VGLL4: variants seen among roughly 807,000 people sequenced by gnomAD.
VGLL4 encodes transcription cofactor vestigial-like protein 4.
VGLL4 carries 7 observed loss-of-function variants against 21.0 expected under a neutral mutation model. The observed-to-expected ratio is 0.33, with a 90% CI of 0.19 to 0.63. The LOEUF is 0.63. Among genes scored for constraint, VGLL4 ranks in the 20% least tolerant of loss-of-function variants. The pLI, the probability that VGLL4 is intolerant of heterozygous loss-of-function variation, is 0.78. For synonymous variants in VGLL4, 222 were observed against 173.2 expected (o/e 1.28, Z -2.21); for missense variants, 394 against 425.7 (o/e 0.93, Z 0.66).
chr3:11,617,171 C>G (rs2075177408), intron 1 of VGLL4, among the ~76,000 whole-genome samples: 1 of 151,992 alleles, frequency 6.6e-6, no homozygotes, highest in South Asian at 2.1e-4. Flanking sequence ...ATTTGAAAAA[C>G]AGGCAGGATT....
At chr3:11,696,618 G>A (rs1575540049) in intron 2 of VGLL4, among the ~76,000 whole-genome samples, 1 of 152,274 alleles carries the variant, frequency 6.6e-6, no homozygotes, top group East Asian at 1.9e-4. Context: ...TGTGTTAGTG[G>A]ATCCTAAAAT....
rs189785988 is a variant in VGLL4 at position 11,576,340 on chromosome 3, G to T, written c.273-11321C>A. Among the ~76,000 whole-genome samples the T allele has an allele frequency of 1.2e-4, 19 of 152,282 alleles. No homozygotes were observed. In the East Asian group the frequency reaches 3.7e-3, roughly 29 times the overall value. The stretch of plus-strand genomic sequence containing the variant: ...TTGCTGAGATTAATAAAATTGAAAA[G>T]AATTTAAAATTCCTACTGCTAATTT... On this transcript the variant is annotated intron_variant, in intron 2 of 4. Transcript: ENST00000430365.
intron 1 of VGLL4, among the ~76,000 whole-genome samples, chr3:11,618,605 TAA>T (rs1198659851): frequency 1.3e-5 from 2 of 152,234 alleles, no homozygotes; most frequent in East Asian, 3.8e-4. Flanking sequence ...TGGGAAATCG[TAA>T]GATCCTTATG....
At chr3:11,563,388 AC>A (rs963506234) in intron 3 of VGLL4, among the ~76,000 whole-genome samples, 1 of 152,086 alleles carries the variant, frequency 6.6e-6, no homozygotes, top group African/African-American at 2.4e-5. Context: ...TCCACTGCCC[AC>A]CCCGGGGAGC....
At chr3:11,685,102 G>A (rs775699588) in intron 2 of VGLL4, among the ~76,000 whole-genome samples, 9 of 151,776 alleles carry the variant, frequency 5.9e-5, no homozygotes, top group Non-Finnish European at 1.0e-4. Flanking sequence ...TTGTTCCTGC[G>A]TTAGTTTACT....
In VGLL4 at chr3:11,712,859, C is replaced by T. The variant is rs368811175; in HGVS notation, c.-14+7535G>A. ...GAGCAAGGGGAAGCAAGCCCTTACC[C>T]GTCAGGAACACGCAAACCATGGTAT... On this transcript the variant is annotated intron_variant, in intron 1 of 5. Coordinates refer to the VGLL4 transcript ENST00000273038. 1.4e-4 allele frequency among the ~76,000 whole-genome samples: 22 copies of T among 152,246 alleles called. No homozygotes were observed. In the South Asian group the frequency reaches 3.7e-3, roughly 26 times the overall value.
intron 2 of VGLL4, among the ~76,000 whole-genome samples, chr3:11,596,798 C>T (rs1237585132): frequency 2.6e-5 from 4 of 152,112 alleles, no homozygotes; most frequent in African/African-American, 9.7e-5. Flanking sequence ...GTCTGCTGTA[C>T]TATTAGACAA....
At chr3:11,699,083 A>C (rs761824147) in intron 2 of VGLL4, among the ~76,000 whole-genome samples, 2 of 152,186 alleles carry the variant, frequency 1.3e-5, no homozygotes, top group African/African-American at 4.8e-5. Context: ...GAGAACGTTA[A>C]CCTCCCCTAA....
rs2076612796 is a variant in VGLL4 at position 11,696,852 on chromosome 3, C to T, written c.64+6119G>A. ...CTCCCAGGATCAGGTGATCCTCCCACCTCTGCCTCCCGAGTAGCTGGGACC... is the reference window on the plus strand; with the variant it reads ...CTCCCAGGATCAGGTGATCCTCCCATCTCTGCCTCCCGAGTAGCTGGGACC... On this transcript the variant is annotated intron_variant, in intron 2 of 5. Coordinates refer to the VGLL4 transcript ENST00000273038. 1.3e-5 allele frequency among the ~76,000 whole-genome samples: 2 copies of T among 152,172 alleles called. 1 individual carries two copies. The highest frequency in any genetic ancestry group is 4.1e-4 in the South Asian group (2 of 4,820).
chr3:11,609,334 C>T (rs2075011664), intron 1 of VGLL4, among the ~76,000 whole-genome samples: 1 of 152,200 alleles, frequency 6.6e-6, no homozygotes, highest in South Asian at 2.1e-4. Flanking sequence ...ACAGAACACA[C>T]TTTACATAGT....
At chr3:11,644,579 C>T (rs986159303), upstream of VGLL4, among the ~76,000 whole-genome samples, 15 of 151,882 alleles carry the variant, frequency 9.9e-5, no homozygotes, top group African/African-American at 3.6e-4. Context: ...ACGAGGGGGC[C>T]GGGTGTAGTG....
intron 2 of VGLL4, among the ~76,000 whole-genome samples, chr3:11,584,165 A>G (rs1023477300): frequency 6.6e-6 from 1 of 152,240 alleles, no homozygotes; most frequent in African/African-American, 2.4e-5. Context: ...ATTTTCCCCA[A>G]CGCATTTGAC....
intron 2 of VGLL4, among the ~76,000 whole-genome samples, chr3:11,590,699 TG>T (rs2074474083): frequency 6.6e-6 from 1 of 151,834 alleles, no homozygotes; most frequent in Non-Finnish European, 1.5e-5. Flanking sequence ...TGTGTGTGTG[TG>T]TGTGTGTGTG....
In VGLL4 at chr3:11,590,678, G is replaced by GTC. The variant is rs1444739249; in HGVS notation, c.272+11154_272+11155insGA. Among the ~76,000 whole-genome samples the GTC allele has an allele frequency of 3.9e-3, 575 of 148,510 alleles. 4 individuals carry two copies. Among genetic ancestry groups the GTC allele is most frequent in the Middle Eastern group, 0.014 (4 of 290 alleles). The stretch of plus-strand genomic sequence containing the variant: ...CAAAATGAAGAGTGTGTGTGTGTGT[G>GTC]TGTGTGTGTGTGTGTGTGTGTGTGT... On this transcript the variant is annotated intron_variant, in intron 2 of 4. Transcript: ENST00000430365.
intron 2 of VGLL4, among the ~76,000 whole-genome samples, chr3:11,660,238 G>T (rs116444294): frequency 3.1e-3 from 470 of 152,212 alleles, no homozygotes; most frequent in African/African-American, 0.011. Context: ...TTCTGCCACA[G>T]ACTGGCTGCG....
intron 4 of VGLL4, 85 bp from the exon 5 acceptor site, chr3:11,558,912 CCAG>C: frequency 6.7e-7 from 1 of 1,503,360 alleles, no homozygotes; most frequent in Non-Finnish European, 9.0e-7. Flanking sequence ...CTCAGGCAGC[CCAG>C]AGCCGGACTG....
At chr3:11,620,054 G>A (rs1029387074) in intron 1 of VGLL4, among the ~76,000 whole-genome samples, 1 of 29,488 alleles carries the variant, frequency 3.4e-5, no homozygotes, top group Non-Finnish European at 1.8e-4. Context: ...CCACCCCCCG[G>A]CAAATTAGTA....
intron 1 of VGLL4, among the ~76,000 whole-genome samples, chr3:11,624,212 C>G (rs964476231): frequency 6.6e-6 from 1 of 152,212 alleles, no homozygotes; most frequent in Non-Finnish European, 1.5e-5. Flanking sequence ...GGGACCCCCA[C>G]GATATGTCAT....
intron 1 of VGLL4, among the ~76,000 whole-genome samples, chr3:11,705,173 GTC>G (rs2076740940): frequency 6.6e-6 from 1 of 152,354 alleles, no homozygotes; most frequent in African/African-American, 2.4e-5. Context: ...AAGCGGCTTA[GTC>G]ATCCATGCGT....
Sources: allele counts gnomAD v4.1 joint callset (sites outside exome capture counted in the v4.1 genomes callset), GRCh38; gene constraint gnomAD v4.1.1; transcripts MANE v1.5; gene names NCBI Gene and HGNC (gene_info 2026-07-23, HGNC 2026-07-21).